Variants in USP34 observed in about 807,000 individuals in gnomAD.
USP34 encodes ubiquitin carboxyl-terminal hydrolase 34.
In USP34, 70 loss-of-function variants were observed where a neutral mutation model predicts 460.3. The observed-to-expected ratio is 0.15, with a 90% confidence interval of 0.13 to 0.19. USP34 has a LOEUF of 0.19. Among genes scored for constraint, USP34 ranks in the 10% least tolerant of loss-of-function variants. USP34 has a pLI of 1.00. For synonymous variants in USP34, 1,647 were observed against 1,405.3 expected, an observed-to-expected ratio of 1.17 and a Z score of -3.85; for missense variants, 3,985 against 4,236.2, an observed-to-expected ratio of 0.94 and a Z score of 1.65.
chr2:61,373,302 A>G (rs1479900111), intron 8 of USP34, among the ~76,000 whole-genome samples: 1 of 152,126 alleles, frequency 6.6e-6, no homozygotes, highest in Non-Finnish European at 1.5e-5. Flanking sequence ...AATGAGATGT[A>G]AAACAAGCTA....
chr2:61,304,028 G>C (rs1234570366), intron 27 of USP34, among the ~76,000 whole-genome samples: 1 of 152,104 alleles, frequency 6.6e-6, no homozygotes, highest in Non-Finnish European at 1.5e-5. Context: ...CTTCCAAGTA[G>C]CTGGGATTAC....
At chr2:61,403,092 G>A (rs1485632399) in intron 3 of USP34, among the ~76,000 whole-genome samples, 1 of 152,226 alleles carries the variant, frequency 6.6e-6, no homozygotes, top group South Asian at 2.1e-4. Flanking sequence ...TTTGGTATAA[G>A]GAGGTAACTC....
intron 2 of USP34, among the ~76,000 whole-genome samples, chr2:61,412,203 A>AG (rs1694060790): frequency 6.6e-6 from 1 of 151,012 alleles, no homozygotes; most frequent in South Asian, 2.1e-4. Context: ...AAAAAAAAAA[A>AG]AAAAGAAAAG....
intron 75 of USP34, among the ~76,000 whole-genome samples, chr2:61,198,642 A>T (rs1034918898): frequency 4.0e-5 from 6 of 151,660 alleles, no homozygotes; most frequent in African/African-American, 1.5e-4. Context: ...AGGCAGAGGC[A>T]CACGGATCAC....
intron 18 of USP34, among the ~76,000 whole-genome samples, chr2:61,336,250 C>G (rs934334675): frequency 3.4e-4 from 51 of 151,388 alleles, no homozygotes; most frequent in African/African-American, 9.9e-4. Context: ...CTCAGCCTCC[C>G]AAGTAGCTGT....
chr2:61,369,429 G>A (rs911287312), intron 10 of USP34, among the ~76,000 whole-genome samples: 4 of 152,062 alleles, frequency 2.6e-5, no homozygotes, highest in African/African-American at 9.7e-5. Context: ...CGGATCATGA[G>A]GTCAGGAGTT....
intron 1 of USP34, among the ~76,000 whole-genome samples, chr2:61,458,217 G>A (rs1384164905): frequency 6.6e-6 from 1 of 152,082 alleles, no homozygotes; most frequent in Non-Finnish European, 1.5e-5. Flanking sequence ...TTGGAGTTCA[G>A]GAAAGACTTC....
chr2:61,309,102 T>G (rs1469550563), intron 27 of USP34, among the ~76,000 whole-genome samples: 1 of 152,100 alleles, frequency 6.6e-6, no homozygotes, highest in Non-Finnish European at 1.5e-5. Context: ...GAATTCAGAA[T>G]TCAACAGCAA....
intron 1 of USP34, among the ~76,000 whole-genome samples, chr2:61,421,117 T>C (rs1216208799): frequency 1.3e-5 from 2 of 152,172 alleles, no homozygotes; most frequent in East Asian, 3.8e-4. Context: ...GCTGGGACCA[T>C]GCAATCTACA....
chr2:61,283,520 A>C (rs892115997), intron 35 of USP34, 71 bp from the exon 36 acceptor site: 52 of 1,515,442 alleles, frequency 3.4e-5, no homozygotes, highest in Middle Eastern at 4.9e-4. Flanking sequence ...ATTTATTAAC[A>C]TATATCCTTT....
intron 64 of USP34, 158 bp from the exon 65 acceptor site, chr2:61,222,821 G>A (rs916810856): frequency 2.2e-5 from 16 of 725,862 alleles, no homozygotes; most frequent in African/African-American, 7.2e-5. Context: ...CTCAGCCTCC[G>A]AGTGGCTGGG....
At chr2:61,407,135 C>T (rs1693897229) in intron 2 of USP34, among the ~76,000 whole-genome samples, 1 of 152,186 alleles carries the variant, frequency 6.6e-6, no homozygotes, top group Non-Finnish European at 1.5e-5. Flanking sequence ...CCTGTAATCC[C>T]AACACTTTGG....
At chr2:61,339,940 G>A (rs1691538875) in intron 16 of USP34, among the ~76,000 whole-genome samples, 1 of 151,838 alleles carries the variant, frequency 6.6e-6, no homozygotes, top group African/African-American at 2.4e-5. Flanking sequence ...CTAAGTGTTG[G>A]GATTACAAGT....
chr2:61,271,252 C>A (rs78116129), intron 41 of USP34, among the ~76,000 whole-genome samples: 4,799 of 152,222 alleles, frequency 0.032, 276 homozygotes, highest in East Asian at 0.19. Context: ...TGCAGTGGAC[C>A]GAGATCGCAC....
chr2:61,407,880 C>T (rs1346210262), intron 2 of USP34, among the ~76,000 whole-genome samples: 23 of 151,850 alleles, frequency 1.5e-4, no homozygotes, highest in Admixed American at 6.6e-5. Context: ...TTTGGGAGGC[C>T]GAGGTGCATG....
intron 43 of USP34, 128 bp downstream of exon 43, chr2:61,265,269 C>A: frequency 1.0e-6 from 1 of 992,334 alleles, no homozygotes; most frequent in Non-Finnish European, 1.5e-6. Flanking sequence ...TAGCTAGTTA[C>A]TGTAATCAAA....
At chr2:61,454,994 G>A (rs540519394) in intron 1 of USP34, among the ~76,000 whole-genome samples, 6 of 150,040 alleles carry the variant, frequency 4.0e-5, no homozygotes, top group South Asian at 2.1e-4. Context: ...CGATTCTCCC[G>A]CCTCAGCCTG....
intron 77 of USP34, 22 bp from the exon 78 acceptor site, chr2:61,190,436 A>T (rs1451422129): frequency 6.9e-6 from 11 of 1,597,678 alleles, no homozygotes; most frequent in South Asian, 1.1e-5. Context: ...GATTTAAAAA[A>T]ATCTCCAAAA....
At chr2:61,347,720 T>C (rs1056710493) in intron 15 of USP34, 150 bp downstream of exon 15, 7 of 1,419,518 alleles carry the variant, frequency 4.9e-6, no homozygotes, top group Non-Finnish European at 6.5e-6. Flanking sequence ...AATAGAAAAC[T>C]TGAAATTATC....
Sources: gnomAD v4.1 joint callset for allele counts (sites outside exome capture counted in the v4.1 genomes callset) on GRCh38, gnomAD v4.1.1 for gene constraint, MANE v1.5 for transcripts, NCBI Gene and HGNC (gene_info 2026-07-23, HGNC 2026-07-21) for gene names.